Variants in PIWIL2 observed in about 807,000 individuals in gnomAD.
PIWIL2 encodes the protein piwi like RNA-mediated gene silencing 2, also known as piwi-like protein 2.
In PIWIL2, 81 loss-of-function variants were observed where a neutral mutation model predicts 116.5. The observed-to-expected ratio is 0.70, with a 90% CI of 0.58 to 0.84. PIWIL2 has a LOEUF of 0.84. Ranked by LOEUF, PIWIL2 falls within the 40% of genes least tolerant of loss-of-function variation. The pLI, the probability that PIWIL2 is intolerant of heterozygous loss-of-function variation, is 0.00. For synonymous variants in PIWIL2, 489 were observed against 429.5 expected (o/e 1.14, Z -1.71); for missense variants, 1,272 against 1,212.3 (o/e 1.05, Z -0.73).
chr8:22,313,409 A>G (rs776985227), intron 16 of PIWIL2, among the ~76,000 whole-genome samples: 31 of 152,228 alleles, frequency 2.0e-4, no homozygotes, highest in Non-Finnish European at 4.0e-4. Context: ...CTGGAATTGC[A>G]TATGTGTGTA....
chr8:22,277,238 T>C (rs777386581), intron 1 of PIWIL2, among the ~76,000 whole-genome samples: 1 of 152,088 alleles, frequency 6.6e-6, no homozygotes, highest in Non-Finnish European at 1.5e-5. Flanking sequence ...GCCACGCTGC[T>C]CTTGAGCTCC....
intron 10 of PIWIL2, among the ~76,000 whole-genome samples, chr8:22,296,362 G>A (rs1335793835): frequency 1.3e-5 from 2 of 152,052 alleles, no homozygotes; most frequent in East Asian, 3.9e-4. Flanking sequence ...CCCTTCTTAA[G>A]GGGAATCTCC....
chr8:22,281,049 A>G, intron 2 of PIWIL2, 71 bp from the exon 3 acceptor site: 9 of 845,954 alleles, frequency 1.1e-5, no homozygotes, highest in Non-Finnish European at 1.7e-5. Context: ...ATTATATACC[A>G]AGACTAAGAA....
At chr8:22,331,876 CTT>C (rs953476742) in intron 20 of PIWIL2, among the ~76,000 whole-genome samples, 3 of 152,004 alleles carry the variant, frequency 2.0e-5, no homozygotes, top group African/African-American at 7.3e-5. Flanking sequence ...CTTTTAAGAT[CTT>C]ATGTGTAAAA....
intron 10 of PIWIL2, among the ~76,000 whole-genome samples, chr8:22,303,362 G>A (rs1458950427): frequency 2.0e-5 from 3 of 152,138 alleles, no homozygotes; most frequent in Non-Finnish European, 4.4e-5. Flanking sequence ...ATGATTTGAT[G>A]AGTATTTCAA....
intron 20 of PIWIL2, chr8:22,322,082 A>T (rs1307938078): frequency 1.4e-5 from 8 of 559,530 alleles, no homozygotes; most frequent in Non-Finnish European, 1.8e-5. Flanking sequence ...AGGTTAGAGG[A>T]TAGAGTTCCC....
At chr8:22,303,776 A>G (rs892761289) in intron 10 of PIWIL2, among the ~76,000 whole-genome samples, 1 of 151,690 alleles carries the variant, frequency 6.6e-6, no homozygotes, top group African/African-American at 2.4e-5. Flanking sequence ...ATAAGGTATC[A>G]CTATGTTGCC....
intron 20 of PIWIL2, among the ~76,000 whole-genome samples, chr8:22,341,678 G>A (rs1171200752): frequency 6.7e-6 from 1 of 150,288 alleles, no homozygotes; most frequent in Non-Finnish European, 1.5e-5. Flanking sequence ...CTACAAAAAA[G>A]CTACAGCTAA....
intron 20 of PIWIL2, among the ~76,000 whole-genome samples, chr8:22,318,518 A>C (rs1831521522): frequency 6.6e-6 from 1 of 152,084 alleles, no homozygotes; most frequent in Non-Finnish European, 1.5e-5. Flanking sequence ...TGGTTTCACC[A>C]TGTTGGCCAG....
intron 8 of PIWIL2, among the ~76,000 whole-genome samples, chr8:22,289,145 C>CTTTT (rs1263159507): frequency 6.8e-6 from 1 of 146,376 alleles, no homozygotes. Flanking sequence ...CTTTTCTTTT[C>CTTTT]TTTTTTCTTT....
intron 20 of PIWIL2, among the ~76,000 whole-genome samples, chr8:22,329,102 T>G (rs568465650): frequency 6.6e-6 from 1 of 152,254 alleles, no homozygotes; most frequent in East Asian, 1.9e-4. Context: ...GCTCTGAGTT[T>G]TTCATAAATT....
At chr8:22,327,137 C>T (rs1247778353) in intron 20 of PIWIL2, among the ~76,000 whole-genome samples, 1 of 144,910 alleles carries the variant, frequency 6.9e-6, no homozygotes, top group Non-Finnish European at 1.5e-5. Flanking sequence ...AAGAGATTGT[C>T]CTGTCTCAGC....
Position 22,279,486 on chromosome 8 carries a change from C to A in PIWIL2, c.100C>A (p.Pro34Thr). Reference sequence around the variant, plus strand: ...AGGCTGTTGGCCACAAGCTTCTAAACCTTTGGACCCAGCTCTGGGCAGGGG... The same window carrying A: ...AGGCTGTTGGCCACAAGCTTCTAAAACTTTGGACCCAGCTCTGGGCAGGGG... Reference protein sequence around the residue: ...MPGCWPQASKPLDPALGRGAP... With the variant: ...MPGCWPQASKTLDPALGRGAP... The change falls in exon 2 of 23, where the codon CCT becomes ACT. Residue 34 changes from proline (P) to threonine (T), a missense_variant. Coordinates refer to ENST00000356766, the MANE Select transcript of PIWIL2 (RefSeq NM_018068.5). 6.2e-7 allele frequency: 1 copy of A among 1,614,188 alleles called. No individual in the cohort carries two copies. The highest frequency in any genetic ancestry group is 8.5e-7 in the Non-Finnish European group (1 of 1,180,014).
At chr8:22,333,979 T>C (rs1304433852) in intron 20 of PIWIL2, among the ~76,000 whole-genome samples, 1 of 151,542 alleles carries the variant, frequency 6.6e-6, no homozygotes, top group Non-Finnish European at 1.5e-5. Flanking sequence ...TTGTGTTTTT[T>C]TTTTTTTGGA....
At chr8:22,296,045 T>G (rs1248415810) in intron 10 of PIWIL2, among the ~76,000 whole-genome samples, 20 of 115,256 alleles carry the variant, frequency 1.7e-4, no homozygotes, top group East Asian at 2.3e-4. Context: ...TTTTTTTTTT[T>G]TTTTTTTTTT....
intron 8 of PIWIL2, among the ~76,000 whole-genome samples, chr8:22,289,152 CTTTTTTTT>C (rs374688951): frequency 1.5e-5 from 2 of 135,286 alleles, no homozygotes. Context: ...TTTCTTTTTT[CTTTTTTTT>C]TTTTTTTTTG....
chr8:22,311,198 C>T lies in PIWIL2; in HGVS notation c.1887C>T (p.Ala629=), dbSNP rs752655645. 15 of 1,614,078 alleles carry T rather than the reference C, an allele frequency of 9.3e-6. No individual in the cohort carries two copies. The highest frequency in any genetic ancestry group is 3.3e-5 in the South Asian group (3 of 91,082). The stretch of plus-strand genomic sequence containing the variant: ...TGGTCAACATGTTGGAGAAGATAGC[C>T]GGCCCCATTGGCATGCGTATGAGCC... ...RELVNMLEKI[A]GPIGMRMSPP... Residue 629 remains alanine (A), a synonymous_variant, in exon 16 of 23, where the codon GCC becomes GCT. Coordinates refer to ENST00000356766, the MANE Select transcript of PIWIL2 (RefSeq NM_018068.5).
intron 10 of PIWIL2, among the ~76,000 whole-genome samples, chr8:22,294,164 C>G (rs987622856): frequency 6.6e-6 from 1 of 151,496 alleles, no homozygotes; most frequent in Non-Finnish European, 1.5e-5. Context: ...ATGGTGAAAC[C>G]CTGTCTCTGC....
intron 20 of PIWIL2, among the ~76,000 whole-genome samples, chr8:22,333,451 A>C (rs1264338647): frequency 1.3e-5 from 2 of 152,004 alleles, no homozygotes; most frequent in African/African-American, 4.8e-5. Context: ...ATCTCTACTA[A>C]AAGTAACAAA....
Sources: allele counts gnomAD v4.1 joint callset (sites outside exome capture counted in the v4.1 genomes callset), GRCh38; gene constraint gnomAD v4.1.1; transcripts MANE v1.5; gene names NCBI Gene and HGNC (gene_info 2026-07-23, HGNC 2026-07-21).